EPS8: variants seen among roughly 807,000 people sequenced by gnomAD.
EPS8 encodes epidermal growth factor receptor kinase substrate 8.
Under a neutral mutation model 103.8 loss-of-function variants are expected in EPS8, and 42 were observed. That is an observed-to-expected ratio of 0.40 (90% confidence interval 0.32 to 0.52). EPS8 has a LOEUF of 0.52. Among genes scored for constraint, EPS8 ranks in the 20% least tolerant of loss-of-function variants. The pLI is 0.40. For synonymous variants in EPS8, 344 were observed against 344.6 expected, an observed-to-expected ratio of 1.00 and a Z score of 0.02; for missense variants, 969 against 1,005.1, an observed-to-expected ratio of 0.96 and a Z score of 0.49.
rs1333646455 is a variant in EPS8 at position 15,780,876 on chromosome 12, T to G, written c.-22+8285A>C. 1 of 152,232 alleles carries G rather than the reference T, an allele frequency of 6.6e-6. No individual in the cohort carries two copies. Among genetic ancestry groups the G allele is most frequent in the Admixed American group, 6.5e-5 (1 of 15,282 alleles). 9.4% of individuals were successfully genotyped at this position (152,232 alleles called of 1,614,324 possible). On this transcript the variant is annotated intron_variant, in intron 1 of 20. Transcript: ENST00000281172. The surrounding 1 kb of genome is among the most constrained non-coding windows in gnomAD (Gnocchi z 4.1). ...CAACTTCCTATGTGAGGAAAACTCA[T>G]GCCCTTTTAAGTATTTATGTAAAAA...
At chr12:15,732,279 T>A (rs1946724941) in intron 1 of EPS8, among the ~76,000 whole-genome samples, 1 of 152,202 alleles carries the variant, frequency 6.6e-6, no homozygotes. Context: ...TCATCAACAA[T>A]GCATTCCATT....
chr12:15,683,140 C>A, intron 1 of EPS8, 168 bp from the exon 2 acceptor site: 1 of 416,290 alleles, frequency 2.4e-6, no homozygotes, highest in Non-Finnish European at 4.2e-6. Flanking sequence ...TATAGATGAA[C>A]ATTTAAACAA....
chr12:15,627,669 T>C (rs1944972268), intron 18 of EPS8, among the ~76,000 whole-genome samples: 1 of 152,206 alleles, frequency 6.6e-6, no homozygotes, highest in African/African-American at 2.4e-5. Context: ...TTAACTTCCC[T>C]AGCTACTCCT....
chr12:15,652,841 A>G (rs1278277514), intron 13 of EPS8, among the ~76,000 whole-genome samples: 1 of 152,090 alleles, frequency 6.6e-6, no homozygotes, highest in Non-Finnish European at 1.5e-5. Context: ...AAAAATGGAG[A>G]AAAAAAATTA....
At chr12:15,732,262 G>A (rs762849939) in intron 1 of EPS8, among the ~76,000 whole-genome samples, 21 of 152,070 alleles carry the variant, frequency 1.4e-4, no homozygotes, top group Non-Finnish European at 2.6e-4. Flanking sequence ...CTACTGTATC[G>A]AGACCTTCAT....
At chr12:15,755,067 G>A (rs1290121789) in intron 1 of EPS8, among the ~76,000 whole-genome samples, 2 of 152,150 alleles carry the variant, frequency 1.3e-5, no homozygotes, top group African/African-American at 4.8e-5. Flanking sequence ...GATCCTAGTG[G>A]TTAGAGATGT....
intron 1 of EPS8, among the ~76,000 whole-genome samples, chr12:15,788,931 G>C (rs1020291099): frequency 6.6e-6 from 1 of 152,146 alleles, no homozygotes; most frequent in Non-Finnish European, 1.5e-5. Flanking sequence ...CCCTGGGCGC[G>C]GGTCTGCACG....
chr12:15,641,944 A>G, intron 15 of EPS8, 114 bp from the exon 16 acceptor site: 1 of 457,694 alleles, frequency 2.2e-6, no homozygotes, highest in Admixed American at 4.1e-5. Flanking sequence ...AAATTACAGC[A>G]GTTTCATTTT....
rs1945780316 is a variant in EPS8 at position 15,669,691 on chromosome 12, A to G, written c.339T>C (p.Ala113=). 1.2e-6 allele frequency: 2 copies of G among 1,609,284 alleles called. No homozygotes were observed. Among genetic ancestry groups the G allele is most frequent in the African/African-American group, 2.7e-5 (2 of 74,582 alleles). ...QDMILQVDDR[A]VSLIDLESKN... is the part of the protein sequence containing the mutation. ...TTGATTCTAAATCAATCAGGCTCACAGCTCTGTCATCCACTTGAAGAATCA... is the reference window on the plus strand; with the variant it reads ...TTGATTCTAAATCAATCAGGCTCACGGCTCTGTCATCCACTTGAAGAATCA... Residue 113 remains alanine (A), a synonymous_variant, in exon 5 of 21, where the codon GCT becomes GCC. Coordinates refer to ENST00000281172, the MANE Select transcript of EPS8 (RefSeq NM_004447.6).
intron 18 of EPS8, among the ~76,000 whole-genome samples, chr12:15,627,439 A>AAATG (rs1482849287): frequency 1.3e-5 from 2 of 152,258 alleles, no homozygotes; most frequent in African/African-American, 4.8e-5. Flanking sequence ...CTTGTTGAAT[A>AAATG]AATGAATGAA....
rs62928661 is a variant in EPS8, at chr12:15,698,557, TA to T, written c.-21-15586del. On this transcript the variant is annotated intron_variant, in intron 1 of 20. Coordinates refer to ENST00000281172, the MANE Select transcript of EPS8 (RefSeq NM_004447.6). The surrounding 1 kb of genome is among the most constrained non-coding windows in gnomAD (Gnocchi z 4.9). Reference sequence around the variant, plus strand: ...TGGAAAAATAAATCTTCATCCTCTTTAAAAAAAAAAAAAAAATTTAGCTGCT... The same window carrying T: ...TGGAAAAATAAATCTTCATCCTCTTTAAAAAAAAAAAAAAATTTAGCTGCT... Among the ~76,000 whole-genome samples the T allele has an allele frequency of 0.98, 144,119 of 147,726 alleles. 70,313 individuals carry two copies. Among genetic ancestry groups the T allele is most frequent in the South Asian group, 0.99 (4,633 of 4,662 alleles).
chr12:15,714,955 T>C lies in EPS8; in HGVS notation c.-21-31983A>G, dbSNP rs986738454. Among the ~76,000 whole-genome samples, 2 of 152,208 alleles carry C rather than the reference T, an allele frequency of 1.3e-5. No individual in the cohort carries two copies. Among genetic ancestry groups the C allele is most frequent in the Non-Finnish European group, 2.9e-5 (2 of 68,028 alleles). ...TGCAACTCCTTATTCCTGAAAATTC[T>C]GACCCATCCCCTGGGCCATTCCTTC... On this transcript the variant is annotated intron_variant, in intron 1 of 20. Coordinates refer to ENST00000281172, the MANE Select transcript of EPS8 (RefSeq NM_004447.6). The surrounding 1 kb of genome is among the most constrained non-coding windows in gnomAD (Gnocchi z 4.1).
chr12:15,770,338 GA>G (rs1018790268), intron 1 of EPS8, among the ~76,000 whole-genome samples: 2 of 150,982 alleles, frequency 1.3e-5, no homozygotes, highest in African/African-American at 4.9e-5. Flanking sequence ...GAAAGGAAGG[GA>G]AAAAATAACA....
At chr12:15,647,560 C>A (rs886933393) in intron 14 of EPS8, among the ~76,000 whole-genome samples, 1 of 152,176 alleles carries the variant, frequency 6.6e-6, no homozygotes, top group Non-Finnish European at 1.5e-5. Context: ...TAAAATTATA[C>A]CGGCTTCTCA....
chr12:15,734,447 C>A lies in EPS8; in HGVS notation c.-21-51475G>T, dbSNP rs1946747540. Among the ~76,000 whole-genome samples, 1 of 152,144 alleles carries A rather than the reference C, an allele frequency of 6.6e-6. No individual in the cohort carries two copies. Among genetic ancestry groups the A allele is most frequent in the Non-Finnish European group, 1.5e-5 (1 of 68,026 alleles). On this transcript the variant is annotated intron_variant, in intron 1 of 20. Coordinates refer to ENST00000281172, the MANE Select transcript of EPS8 (RefSeq NM_004447.6). The surrounding 1 kb of genome is among the most constrained non-coding windows in gnomAD (Gnocchi z 4.1). The stretch of plus-strand genomic sequence containing the variant: ...CGGTGGCTCACACCTGTAATCCCAG[C>A]ACTTTGGGAGGCTGAGGCGGGTGGA...
In EPS8 at chr12:15,745,292, T is replaced by C. The variant is rs571404397; in HGVS notation, c.-22+43869A>G. Reference sequence around the variant, plus strand: ...TTCAGTAGATTTTAGTTTCCTCACCTGAAAAACAAAAGAACTAGAGTAGAT... The same window carrying C: ...TTCAGTAGATTTTAGTTTCCTCACCCGAAAAACAAAAGAACTAGAGTAGAT... On this transcript the variant is annotated intron_variant, in intron 1 of 20. Coordinates refer to ENST00000281172, the MANE Select transcript of EPS8 (RefSeq NM_004447.6). This position sits in a 1 kb window ranked among gnomAD's most constrained non-coding sequence, Gnocchi z 4.6. Among the ~76,000 whole-genome samples, 179 of 152,282 alleles carry C rather than the reference T, an allele frequency of 1.2e-3. No individual in the cohort carries two copies. The highest frequency in any genetic ancestry group is 4.1e-3 in the African/African-American group (171 of 41,556).
At chr12:15,670,279 A>G (rs1739176581) in intron 4 of EPS8, among the ~76,000 whole-genome samples, 1 of 152,202 alleles carries the variant, frequency 6.6e-6, no homozygotes, top group African/African-American at 2.4e-5. Context: ...AGGAACTGTC[A>G]AACTATTCAA....
At chr12:15,681,946 A>G (rs759147733) in intron 2 of EPS8, among the ~76,000 whole-genome samples, 2 of 152,106 alleles carry the variant, frequency 1.3e-5, no homozygotes, top group Admixed American at 6.6e-5. Flanking sequence ...GGTGCTGTCA[A>G]TAAAATAAGT....
Position 15,725,204 on chromosome 12 carries a change from G to A in EPS8, c.-21-42232C>T, listed in dbSNP as rs1269462389. Among the ~76,000 whole-genome samples the A allele has an allele frequency of 6.6e-6, 1 of 152,056 alleles. No homozygotes were observed. The highest frequency in any genetic ancestry group is 1.5e-5 in the Non-Finnish European group (1 of 68,000). ...TCTGATACTTACCTGCTAGATAACT[G>A]AAGCAATTTCTACTCGTTTATGGGG... is the stretch of plus-strand genomic sequence containing the variant. On this transcript the variant is annotated intron_variant, in intron 1 of 20. Coordinates refer to ENST00000281172, the MANE Select transcript of EPS8 (RefSeq NM_004447.6). The surrounding 1 kb of genome is among the most constrained non-coding windows in gnomAD (Gnocchi z 4.5).
Sources: allele counts gnomAD v4.1 joint callset (sites outside exome capture counted in the v4.1 genomes callset), GRCh38; gene constraint gnomAD v4.1.1; non-coding constraint Gnocchi (gnomAD v3.1); transcripts MANE v1.5; gene names NCBI Gene and HGNC (gene_info 2026-07-23, HGNC 2026-07-21).